Variants in THRB observed in about 807,000 individuals in gnomAD.
The protein encoded by THRB is thyroid hormone receptor beta.
THRB carries 12 observed loss-of-function variants against 47.8 expected under a neutral mutation model. That is an observed-to-expected ratio of 0.25 (90% confidence interval 0.16 to 0.41). The LOEUF is 0.41. Among genes scored for constraint, THRB ranks in the 10% least tolerant of loss-of-function variants. The probability of loss-of-function intolerance (pLI) is 1.00; values close to 1 mark genes in which losing one functional copy is unlikely to be tolerated. For missense variants in THRB, 348 were observed against 589.2 expected, an observed-to-expected ratio of 0.59 and a Z score of 4.24; for synonymous variants, 218 against 212.2, an observed-to-expected ratio of 1.03 and a Z score of -0.24.
At chr3:24,491,127 T>C (rs945078706) in intron 1 of THRB, among the ~76,000 whole-genome samples, 3 of 152,296 alleles carry the variant, frequency 2.0e-5, no homozygotes, top group Admixed American at 6.5e-5. Context: ...TTCTGTTAAC[T>C]TGGCTACTAC....
chr3:24,255,414 G>A (rs2051158640), intron 3 of THRB, among the ~76,000 whole-genome samples: 1 of 152,082 alleles, frequency 6.6e-6, no homozygotes, highest in African/African-American at 2.4e-5. Flanking sequence ...TGCCTTTAGG[G>A]AGCTTGCTGT....
intron 5 of THRB, among the ~76,000 whole-genome samples, chr3:24,156,630 A>T (rs902862165): frequency 3.3e-5 from 5 of 152,178 alleles, no homozygotes; most frequent in Admixed American, 3.3e-4. Flanking sequence ...AGAAGTGAAG[A>T]AGTTCCATGT....
At chr3:24,146,334 A>C (rs774589126) in intron 7 of THRB, among the ~76,000 whole-genome samples, 12 of 152,260 alleles carry the variant, frequency 7.9e-5, no homozygotes, top group Non-Finnish European at 1.5e-4. Flanking sequence ...TAAATGGACC[A>C]GACCTCTCAT....
At chr3:24,362,119 A>G (rs2064116374) in intron 1 of THRB, among the ~76,000 whole-genome samples, 1 of 152,242 alleles carries the variant, frequency 6.6e-6, no homozygotes, top group Admixed American at 6.5e-5. Flanking sequence ...AACAATAGCC[A>G]CACTGATTCT....
At chr3:24,188,221 C>T (rs2042845289) in intron 5 of THRB, among the ~76,000 whole-genome samples, 1 of 152,196 alleles carries the variant, frequency 6.6e-6, no homozygotes, top group Non-Finnish European at 1.5e-5. Flanking sequence ...ATTTATATGA[C>T]TTAATAATGC....
At chr3:24,299,113 T>C (rs1440483545) in intron 2 of THRB, among the ~76,000 whole-genome samples, 1 of 151,390 alleles carries the variant, frequency 6.6e-6, no homozygotes, top group Non-Finnish European at 1.5e-5. Flanking sequence ...CTGGGCGTGG[T>C]GGCGGGCGCC....
chr3:24,325,673 T>C (rs1218008688), intron 2 of THRB, among the ~76,000 whole-genome samples: 1 of 152,018 alleles, frequency 6.6e-6, no homozygotes, highest in Non-Finnish European at 1.5e-5. Context: ...GGCGACAGAG[T>C]GAGAGACTCT....
intron 3 of THRB, among the ~76,000 whole-genome samples, chr3:24,235,881 C>A (rs2048810174): frequency 6.6e-6 from 1 of 152,094 alleles, no homozygotes; most frequent in African/African-American, 2.4e-5. Context: ...GTTTAGGTAG[C>A]AAGCAACTAT....
chr3:24,250,430 C>T (rs963911634), intron 3 of THRB, among the ~76,000 whole-genome samples: 1 of 152,168 alleles, frequency 6.6e-6, no homozygotes, highest in South Asian at 2.1e-4. Flanking sequence ...GGCATGGTAA[C>T]TCATGCCTGT....
chr3:24,395,638 A>G (rs954777768), intron 1 of THRB, among the ~76,000 whole-genome samples: 14 of 152,144 alleles, frequency 9.2e-5, no homozygotes, highest in African/African-American at 2.7e-4. Context: ...ATGTAGAGAA[A>G]TTGGAACCCT....
chr3:24,393,473 A>T (rs1323168412), intron 1 of THRB, among the ~76,000 whole-genome samples: 2 of 152,116 alleles, frequency 1.3e-5, no homozygotes, highest in Non-Finnish European at 2.9e-5. Context: ...TTGGCCCATA[A>T]ATATCTGCAT....
At chr3:24,239,831 G>A (rs1294318317) in intron 3 of THRB, among the ~76,000 whole-genome samples, 1 of 152,134 alleles carries the variant, frequency 6.6e-6, no homozygotes, top group Non-Finnish European at 1.5e-5. Context: ...CAGTCATGCT[G>A]TAACAGAGAT....
intron 3 of THRB, among the ~76,000 whole-genome samples, chr3:24,292,144 A>ATG (rs1170602988): frequency 1.3e-5 from 2 of 152,182 alleles, no homozygotes; most frequent in Non-Finnish European, 2.9e-5. Flanking sequence ...GTTACATACA[A>ATG]TGTGTGTGCA....
At chr3:24,138,671 G>C (rs1471969711) in intron 8 of THRB, among the ~76,000 whole-genome samples, 1 of 152,124 alleles carries the variant, frequency 6.6e-6, no homozygotes, top group Non-Finnish European at 1.5e-5. Context: ...AACTTGGGGT[G>C]ATAGATGCCT....
intron 1 of THRB, among the ~76,000 whole-genome samples, chr3:24,369,250 C>T (rs2149725529): frequency 6.6e-6 from 1 of 152,226 alleles, no homozygotes; most frequent in Admixed American, 6.5e-5. Flanking sequence ...ATCATATCTA[C>T]TATATGAAAC....
At chr3:24,465,915 A>G (rs2074110806) in intron 1 of THRB, among the ~76,000 whole-genome samples, 1 of 152,166 alleles carries the variant, frequency 6.6e-6, no homozygotes, top group African/African-American at 2.4e-5. Flanking sequence ...ATTTGTTATG[A>G]AGAACTACTC....
At chr3:24,281,002 G>T (rs906770620) in intron 3 of THRB, among the ~76,000 whole-genome samples, 10 of 152,154 alleles carry the variant, frequency 6.6e-5, no homozygotes, top group African/African-American at 1.9e-4. Context: ...AACCAAGTTG[G>T]AAAACACTCT....
At chr3:24,361,879 G>A (rs563297384) in intron 1 of THRB, among the ~76,000 whole-genome samples, 35 of 152,166 alleles carry the variant, frequency 2.3e-4, no homozygotes, top group Middle Eastern at 6.8e-3. Context: ...TAACTTATGG[G>A]CAGATGATAG....
intron 4 of THRB, among the ~76,000 whole-genome samples, chr3:24,212,261 G>C (rs1318822679): frequency 2.6e-5 from 4 of 152,184 alleles, no homozygotes. Flanking sequence ...AGCTAGGCTT[G>C]GTGGCAGGTG....
Sources: allele counts gnomAD v4.1 joint callset (sites outside exome capture counted in the v4.1 genomes callset), GRCh38; gene constraint gnomAD v4.1.1; transcripts MANE v1.5; gene names NCBI Gene and HGNC (gene_info 2026-07-23, HGNC 2026-07-21).